Variants in KIF21A observed in about 807,000 individuals in gnomAD.
KIF21A encodes the protein kinesin family member 21A.
Under a neutral mutation model 202.9 loss-of-function variants are expected in KIF21A, and 114 were observed. The observed-to-expected ratio is 0.56, with a 90% CI of 0.48 to 0.66. The LOEUF (loss-of-function observed/expected upper bound fraction) is 0.66, where lower values mean the gene tolerates loss of function less well. Among genes scored for constraint, KIF21A ranks in the 30% least tolerant of loss-of-function variants. The pLI is 0.00. For missense variants in KIF21A, 1,677 were observed against 1,994.9 expected, an observed-to-expected ratio of 0.84 and a Z score of 3.04; for synonymous variants, 667 against 670.8, an observed-to-expected ratio of 0.99 and a Z score of 0.09.
chr12:39,301,467 T>G lies in KIF21A; in HGVS notation c.4931+13A>C. The G allele has an allele frequency of 6.2e-7, 1 of 1,606,074 alleles. No homozygotes were observed. Among genetic ancestry groups the G allele is most frequent in the Non-Finnish European group, 8.5e-7 (1 of 1,172,642 alleles). Reference sequence around the variant, plus strand: ...GCAACCAATATAGAGAAAAATCATATAAGAAAACTTACTCAGCTGCAGTAA... The same window carrying G: ...GCAACCAATATAGAGAAAAATCATAGAAGAAAACTTACTCAGCTGCAGTAA... On this transcript the variant is annotated intron_variant, in intron 37 of 37. Coordinates refer to ENST00000361418, the MANE Select transcript of KIF21A (RefSeq NM_001173464.2).
intron 1 of KIF21A, among the ~76,000 whole-genome samples, chr12:39,421,723 T>TTATATATA (rs374130613): frequency 0.012 from 1,631 of 134,952 alleles, 28 homozygotes; most frequent in Admixed American, 0.055. Context: ...TATATATAAT[T>TTATATATA]TATATATATA....
intron 1 of KIF21A, among the ~76,000 whole-genome samples, chr12:39,391,808 C>T (rs983377297): frequency 7.9e-5 from 12 of 152,008 alleles, no homozygotes; most frequent in Non-Finnish European, 1.0e-4. Context: ...GGCATAATCT[C>T]GGCTCACTGC....
At chr12:39,315,034 A>G (rs560884713) in intron 31 of KIF21A, among the ~76,000 whole-genome samples, 195 bp downstream of exon 31, 2 of 152,128 alleles carry the variant, frequency 1.3e-5, no homozygotes, top group South Asian at 2.1e-4. Flanking sequence ...GTATTTCTCT[A>G]TTTGAATTAA....
chr12:39,367,274 T>G, intron 4 of KIF21A, 110 bp from the exon 5 acceptor site: 1 of 1,162,492 alleles, frequency 8.6e-7, no homozygotes, highest in Non-Finnish European at 1.3e-6. Context: ...ATATAAAAGA[T>G]GTGGAATTTC....
intron 11 of KIF21A, among the ~76,000 whole-genome samples, chr12:39,349,013 T>C (rs940811850): frequency 2.6e-5 from 4 of 151,768 alleles, no homozygotes; most frequent in African/African-American, 7.3e-5. Flanking sequence ...GAGAAAAAAA[T>C]AGATAATTTT....
chr12:39,389,302 C>G (rs1476579948), intron 1 of KIF21A, among the ~76,000 whole-genome samples: 3 of 152,016 alleles, frequency 2.0e-5, no homozygotes, highest in Non-Finnish European at 4.4e-5. Flanking sequence ...TTTCACAGTT[C>G]ACATATGCTT....
Position 39,340,339 on chromosome 12 carries a change from T to C in KIF21A, c.2136A>G (p.Glu712=). 6.2e-7 allele frequency: 1 copy of C among 1,608,990 alleles called. No individual in the cohort carries two copies. The highest frequency in any genetic ancestry group is 2.2e-5 in the East Asian group (1 of 44,744). Residue 712 remains glutamate, a synonymous_variant, in exon 16 of 38, where the codon GAA becomes GAG. Coordinates refer to ENST00000361418, the MANE Select transcript of KIF21A (RefSeq NM_001173464.2). The stretch of plus-strand genomic sequence containing the variant: ...ATTCAGACCTAACTTTTTTTGCTTT[T>C]TCTTCTGAGTAAGATTCTACCGAGC... ...NLGSVESYSE[E]KAKKVRSEYE... is the part of the protein sequence containing the mutation.
chr12:39,345,221 A>AT (rs549964404), intron 12 of KIF21A, among the ~76,000 whole-genome samples: 29 of 152,340 alleles, frequency 1.9e-4, no homozygotes, highest in African/African-American at 6.5e-4. Flanking sequence ...CACTGAGAAC[A>AT]TTTAAAGGAC....
Position 39,368,043 on chromosome 12 carries a change from A to C in KIF21A, c.451-11T>G. ...CTCTTCATTATAGAGCTATCAAAAAAATATTAGAAATCTAATTTTAGCAGA... is the reference window on the plus strand; with the variant it reads ...CTCTTCATTATAGAGCTATCAAAAACATATTAGAAATCTAATTTTAGCAGA... On this transcript the variant is annotated splice_polypyrimidine_tract_variant and intron_variant, in intron 3 of 37. Transcript: ENST00000361418. 6.5e-7 allele frequency: 1 copy of C among 1,535,460 alleles called. No individual in the cohort carries two copies. The highest frequency in any genetic ancestry group is 9.0e-7 in the Non-Finnish European group (1 of 1,113,376).
chr12:39,378,217 C>G (rs1950382732), intron 1 of KIF21A, among the ~76,000 whole-genome samples: 1 of 152,168 alleles, frequency 6.6e-6, no homozygotes, highest in Non-Finnish European at 1.5e-5. Flanking sequence ...CTAGCGTCTC[C>G]TACTTTTTAT....
At chr12:39,320,096 A>G (rs1375967725) in intron 27 of KIF21A, 83 bp from the exon 28 acceptor site, 1 of 757,008 alleles carries the variant, frequency 1.3e-6, no homozygotes, top group Non-Finnish European at 2.3e-6. Context: ...AAAATTTGTA[A>G]TAGGTTAATA....
Position 39,401,894 on chromosome 12 carries a change from C to T in KIF21A, c.45-31633G>A, listed in dbSNP as rs1167750332. On this transcript the variant is annotated intron_variant, in intron 1 of 37. Transcript: ENST00000361418. ...CATGAAAACCACAGCTTCTCCAAAA[C>T]TTCATTTGAACCATTGATTCAATAT... Among the ~76,000 whole-genome samples, 4 of 152,302 alleles carry T rather than the reference C, an allele frequency of 2.6e-5. No individual in the cohort carries two copies. In the East Asian group the frequency reaches 7.7e-4, roughly 29 times the overall value.
intron 6 of KIF21A, among the ~76,000 whole-genome samples, chr12:39,365,291 G>T (rs1295514572): frequency 3.3e-5 from 5 of 152,084 alleles, no homozygotes; most frequent in African/African-American, 1.2e-4. Context: ...TTTCTCTATT[G>T]CAATTCCCCT....
At chr12:39,434,225 G>A (rs2140397966) in intron 1 of KIF21A, among the ~76,000 whole-genome samples, 1 of 152,314 alleles carries the variant, frequency 6.6e-6, no homozygotes, top group South Asian at 2.1e-4. Context: ...AAGAGAGCAT[G>A]CACAAGAGAA....
chr12:39,311,664 T>C, intron 31 of KIF21A, 111 bp from the exon 32 acceptor site: 1 of 1,056,074 alleles, frequency 9.5e-7, no homozygotes, highest in African/African-American at 1.6e-5. Flanking sequence ...TTATAAGTAA[T>C]TAGTAATAAA....
At position 39,370,059 on chromosome 12, in the gene KIF21A, T is replaced by C. The variant is rs1949850968; in HGVS notation, c.247A>G (p.Thr83Ala). Residue 83 changes from threonine to alanine, a missense_variant, in exon 2 of 38, where the codon ACA becomes GCA. Thr to Ala is a moderately conservative substitution (Grantham distance 58). Transcript: ENST00000361418. Reference sequence around the variant, plus strand: ...CTTACTTGTCCATAAGCAAAAACTGTAGCATTGTATCCTTCAAAGCAACCT... The same window carrying C: ...CTTACTTGTCCATAAGCAAAAACTGCAGCATTGTATCCTTCAAAGCAACCT... ...IEGCFEGYNA[T>A]VFAYGQTGAG... is the part of the protein sequence containing the mutation. The C allele has an allele frequency of 6.2e-7, 1 of 1,613,452 alleles. No individual in the cohort carries two copies. Among genetic ancestry groups the C allele is most frequent in the South Asian group, 1.1e-5 (1 of 91,078 alleles).
chr12:39,433,632 AC>A (rs1466622072), intron 1 of KIF21A, among the ~76,000 whole-genome samples: 1 of 152,212 alleles, frequency 6.6e-6, no homozygotes, highest in African/African-American at 2.4e-5. Context: ...AAAAAGTATA[AC>A]TCAAAACTAC....
intron 28 of KIF21A, 72 bp from the exon 29 acceptor site, chr12:39,318,273 AT>A: frequency 2.1e-6 from 3 of 1,459,894 alleles, no homozygotes; most frequent in Non-Finnish European, 2.9e-6. Flanking sequence ...TATAAGAAAC[AT>A]GCTCTTTTAA....
chr12:39,409,119 A>C (rs145926819), intron 1 of KIF21A, among the ~76,000 whole-genome samples: 1 of 152,104 alleles, frequency 6.6e-6, no homozygotes, highest in African/African-American at 2.4e-5. Flanking sequence ...TACAGGCATG[A>C]ATCACCACAC....
Sources: gnomAD v4.1 joint callset for allele counts (sites outside exome capture counted in the v4.1 genomes callset) on GRCh38, gnomAD v4.1.1 for gene constraint, MANE v1.5 for transcripts, NCBI Gene and HGNC (gene_info 2026-07-23, HGNC 2026-07-21) for gene names.